Variants in JPH3 observed in about 807,000 individuals in gnomAD.
The protein encoded by JPH3 is junctophilin 3, also known as junctophilin-3.
In JPH3, 11 loss-of-function variants were observed where a neutral mutation model predicts 59.6. The observed-to-expected ratio is 0.18, with a 90% CI of 0.12 to 0.31. The LOEUF is 0.31. Among genes scored for constraint, JPH3 ranks in the 10% least tolerant of loss-of-function variants. The probability of loss-of-function intolerance (pLI) is 1.00; values close to 1 mark genes in which losing one functional copy is unlikely to be tolerated. For missense variants in JPH3, 1,202 were observed against 1,105.7 expected (o/e 1.09, Z -1.24); for synonymous variants, 673 against 483.6 (o/e 1.39, Z -5.14).
chr16:87,614,371 T>C (rs1176832003), intron 1 of JPH3, among the ~76,000 whole-genome samples: 1 of 149,530 alleles, frequency 6.7e-6, no homozygotes, highest in Admixed American at 6.6e-5. Flanking sequence ...TAAAGGCAGG[T>C]CCCTGTACAC....
Position 87,611,875 on chromosome 16 carries a change from C to A in JPH3, c.382+8347C>A, listed in dbSNP as rs1436852427. Among the ~76,000 whole-genome samples, 1 of 152,228 alleles carries A rather than the reference C, an allele frequency of 6.6e-6. No individual in the cohort carries two copies. Among genetic ancestry groups the A allele is most frequent in the Non-Finnish European group, 1.5e-5 (1 of 68,046 alleles). ...CCTAAGCCTGGCTACACATTCGAGT[C>A]ACTAAGAATGTCCCTGGGAGACGGT... On this transcript the variant is annotated intron_variant, in intron 1 of 4. Transcript: ENST00000284262. This position sits in a 1 kb window ranked among gnomAD's most constrained non-coding sequence, Gnocchi z 4.5.
intron 1 of JPH3, among the ~76,000 whole-genome samples, chr16:87,634,192 C>A (rs966484550): frequency 1.3e-5 from 2 of 152,214 alleles, no homozygotes; most frequent in Admixed American, 6.5e-5. Context: ...AGGGCTCTCA[C>A]TGTCACGTTG....
intron 1 of JPH3, among the ~76,000 whole-genome samples, chr16:87,626,660 T>G (rs1940418159): frequency 1.3e-5 from 2 of 152,256 alleles, no homozygotes; most frequent in Admixed American, 1.3e-4. Flanking sequence ...TCAGAGCCAC[T>G]CAGCCTATGG....
intron 1 of JPH3, among the ~76,000 whole-genome samples, chr16:87,625,736 C>T (rs544551731): frequency 3.3e-5 from 5 of 152,288 alleles, no homozygotes; most frequent in South Asian, 4.1e-4. Context: ...GGTTCAAGGG[C>T]TGAAGAAGTG....
chr16:87,623,665 C>T (rs543287188), intron 1 of JPH3, among the ~76,000 whole-genome samples: 46 of 152,344 alleles, frequency 3.0e-4, no homozygotes, highest in African/African-American at 9.6e-4. Flanking sequence ...TCTCCTCCTT[C>T]GGAGCCAAAG....
chr16:87,610,468 A>G (rs2030689980), intron 1 of JPH3, among the ~76,000 whole-genome samples: 1 of 152,180 alleles, frequency 6.6e-6, no homozygotes, highest in Non-Finnish European at 1.5e-5. Context: ...AGTGACTAAA[A>G]TGGTGCTGGC....
At chr16:87,667,063 C>T (rs1283768605) in intron 2 of JPH3, among the ~76,000 whole-genome samples, 1 of 152,364 alleles carries the variant, frequency 6.6e-6, no homozygotes, top group East Asian at 1.9e-4. Flanking sequence ...CAGGGCCGTG[C>T]CCCCTCTGCA....
chr16:87,629,563 G>A (rs888948461), intron 1 of JPH3, among the ~76,000 whole-genome samples: 26 of 152,108 alleles, frequency 1.7e-4, no homozygotes, highest in South Asian at 2.1e-4. Flanking sequence ...TTCAATGCCT[G>A]GTGCTCAGCG....
intron 4 of JPH3, 37 bp from the exon 5 acceptor site, chr16:87,696,543 C>T (rs764546651): frequency 2.5e-6 from 4 of 1,575,708 alleles, no homozygotes; most frequent in Non-Finnish European, 3.5e-6. Context: ...GAGCCCCCCG[C>T]AGCTGTCGCT....
chr16:87,688,905 G>T (rs542082211), intron 3 of JPH3, among the ~76,000 whole-genome samples: 76 of 152,292 alleles, frequency 5.0e-4, no homozygotes, highest in African/African-American at 1.8e-3. Context: ...TCCTGCTGGG[G>T]GCTCACGGAG....
At chr16:87,617,067 A>G (rs1276942603) in intron 1 of JPH3, among the ~76,000 whole-genome samples, 1 of 152,116 alleles carries the variant, frequency 6.6e-6, no homozygotes, top group African/African-American at 2.4e-5. Flanking sequence ...TTTACTAAAA[A>G]TGTAAAATTA....
chr16:87,684,821 C>G (rs1309333900), intron 3 of JPH3, among the ~76,000 whole-genome samples: 1 of 152,132 alleles, frequency 6.6e-6, no homozygotes, highest in Non-Finnish European at 1.5e-5. Context: ...ACCTCGTCCT[C>G]CCTTCGAGGG....
chr16:87,625,642 C>A (rs2031347112), intron 1 of JPH3, among the ~76,000 whole-genome samples: 1 of 152,188 alleles, frequency 6.6e-6, no homozygotes, highest in South Asian at 2.1e-4. Context: ...ACGTGAGGAT[C>A]TAACAGGGGT....
At chr16:87,645,535 A>G (rs559972076) in intron 2 of JPH3, among the ~76,000 whole-genome samples, 1 of 152,288 alleles carries the variant, frequency 6.6e-6, no homozygotes, top group South Asian at 2.1e-4. Context: ...TTGGGAGGCC[A>G]ATTCCGAGTG....
At chr16:87,626,214 G>C (rs574820788) in intron 1 of JPH3, among the ~76,000 whole-genome samples, 1 of 152,290 alleles carries the variant, frequency 6.6e-6, no homozygotes, top group Admixed American at 6.5e-5. Flanking sequence ...GCAGCCCTGT[G>C]GGGTGGGAAT....
chr16:87,643,167 T>A (rs1212263970), intron 1 of JPH3, among the ~76,000 whole-genome samples: 1 of 152,222 alleles, frequency 6.6e-6, no homozygotes, highest in East Asian at 1.9e-4. Flanking sequence ...CCAGCTCAGT[T>A]CACTCTGTGT....
intron 2 of JPH3, chr16:87,683,908 G>C: frequency 3.8e-6 from 2 of 528,828 alleles, no homozygotes; most frequent in Non-Finnish European, 6.8e-6. Context: ...GCCCTGCCCA[G>C]AGGTGTTTTC....
At chr16:87,661,981 G>A (rs997819401) in intron 2 of JPH3, among the ~76,000 whole-genome samples, 1 of 152,198 alleles carries the variant, frequency 6.6e-6, no homozygotes, top group Non-Finnish European at 1.5e-5. Flanking sequence ...GATTCGTCCT[G>A]TTATTTAGTA....
chr16:87,650,308 A>G (rs2032289745), intron 2 of JPH3, among the ~76,000 whole-genome samples: 1 of 152,352 alleles, frequency 6.6e-6, no homozygotes, highest in South Asian at 2.1e-4. Context: ...CATCGCACCC[A>G]TATAAGACAG....
Sources: allele counts gnomAD v4.1 joint callset (sites outside exome capture counted in the v4.1 genomes callset), GRCh38; gene constraint gnomAD v4.1.1; non-coding constraint Gnocchi (gnomAD v3.1); transcripts MANE v1.5; gene names NCBI Gene and HGNC (gene_info 2026-07-23, HGNC 2026-07-21).